GNA11: variants seen among roughly 807,000 people sequenced by gnomAD.
The protein encoded by GNA11 is G protein subunit alpha 11.
A neutral mutation model predicts 38.2 loss-of-function variants in GNA11; 8 were observed. The ratio of observed to expected loss-of-function variants is 0.21; its 90% confidence interval spans 0.12 to 0.38. GNA11 has a LOEUF of 0.38. GNA11 is among the 10% of genes least tolerant of loss of function. The pLI is 1.00. For missense variants in GNA11, 268 were observed against 516.3 expected, an observed-to-expected ratio of 0.52 and a Z score of 4.66; for synonymous variants, 211 against 221.4, an observed-to-expected ratio of 0.95 and a Z score of 0.42.
In GNA11 at chr19:3,094,800, C is replaced by T; in HGVS notation, c.136+13C>T. The T allele has an allele frequency of 1.3e-6, 2 of 1,548,956 alleles. No homozygotes were observed. Among genetic ancestry groups the T allele is most frequent in the Non-Finnish European group, 1.7e-6 (2 of 1,151,766 alleles). ...CTGCTGCTGCTCGGTGAGTGCGGCC[C>T]CCGGGCCTGCCGGCTGCGGGCCCTG... On this transcript the variant is annotated intron_variant, in intron 1 of 6. Coordinates refer to ENST00000078429, the MANE Select transcript of GNA11 (RefSeq NM_002067.5). The surrounding 1 kb of genome is among the most constrained non-coding windows in gnomAD (Gnocchi z 6.0).
rs867151765 is a variant in GNA11 at position 3,108,266 on chromosome 19, C to T, written c.137-1883C>T. Among the ~76,000 whole-genome samples, 2 of 152,156 alleles carry T rather than the reference C, an allele frequency of 1.3e-5. No individual in the cohort carries two copies. Among genetic ancestry groups the T allele is most frequent in the Admixed American group, 6.5e-5 (1 of 15,278 alleles). ...AGGAGCTGCCAGGTGAGGGGTCCTG[C>T]GACAGGCACCTGTGCAAAGATATCT... On this transcript the variant is annotated intron_variant, in intron 1 of 6. Coordinates refer to ENST00000078429, the MANE Select transcript of GNA11 (RefSeq NM_002067.5). The surrounding 1 kb of genome is among the most constrained non-coding windows in gnomAD (Gnocchi z 4.5).
At chr19:3,099,453 C>T (rs1040728961) in intron 1 of GNA11, among the ~76,000 whole-genome samples, 1 of 152,186 alleles carries the variant, frequency 6.6e-6, no homozygotes, top group Admixed American at 6.5e-5. Flanking sequence ...TTCGCAGAAC[C>T]GGGATCCTAA....
chr19:3,123,878 C>T lies in GNA11; in HGVS notation c.*2699C>T. 1 of 232,626 alleles carries T rather than the reference C, an allele frequency of 4.3e-6. No homozygotes were observed. Among genetic ancestry groups the T allele is most frequent in the Non-Finnish European group, 8.5e-6 (1 of 117,648 alleles). 14.4% of individuals were successfully genotyped at this position (232,626 alleles called of 1,614,324 possible). A position where few individuals can be genotyped will look rare whatever the true frequency, so the allele number is the denominator to read the frequency against. Reference sequence around the variant, plus strand: ...TGGGAGGAGGGGCTGAGGAGCGGCTCAGTGTCACCTCCCACAGCCACCGGC... The same window carrying T: ...TGGGAGGAGGGGCTGAGGAGCGGCTTAGTGTCACCTCCCACAGCCACCGGC... On this transcript the variant is annotated 3_prime_UTR_variant, in exon 7 of 7. Coordinates refer to ENST00000078429, the MANE Select transcript of GNA11 (RefSeq NM_002067.5).
chr19:3,109,352 C>T (rs369668224), intron 1 of GNA11, among the ~76,000 whole-genome samples: 1 of 152,212 alleles, frequency 6.6e-6, no homozygotes, highest in African/African-American at 2.4e-5. Context: ...ACATGGGCCC[C>T]CTTCCCGATA....
rs1913997296 is a variant in GNA11 at position 3,119,027 on chromosome 19, C to G, written c.709C>G (p.Gln237Glu). 6.2e-7 allele frequency: 1 copy of G among 1,613,790 alleles called. No individual in the cohort carries two copies. The highest frequency in any genetic ancestry group is 1.1e-5 in the South Asian group (1 of 91,080). Residue 237 changes from glutamine to glutamate, a missense_variant, in exon 5 of 7, where the codon CAA becomes GAA. Physicochemically the swap from Gln to Glu is conservative, Grantham distance 29. This residue lies in a region of GNA11 where 25 missense variants were observed against 95.6 expected (regional missense o/e 0.26). Coordinates refer to ENST00000078429, the MANE Select transcript of GNA11 (RefSeq NM_002067.5). The surrounding 1 kb of genome is among the most constrained non-coding windows in gnomAD (Gnocchi z 4.6). ...MFLVALSEYDQVLVESDNENR... is the reference protein window; with the variant it reads ...MFLVALSEYDEVLVESDNENR... ...TCTCGTCGCCCTCAGCGAATACGAC[C>G]AAGTCCTGGTGGAGTCGGACAACGA...
chr19:3,103,640 C>A (rs576496638), intron 1 of GNA11, among the ~76,000 whole-genome samples: 2 of 147,286 alleles, frequency 1.4e-5, no homozygotes, highest in Admixed American at 1.4e-4. Context: ...TTTCTCCTGC[C>A]TCAGCCTCCT....
Position 3,094,904 on chromosome 19 carries a change from C to T in GNA11, c.136+117C>T. The T allele has an allele frequency of 1.5e-6, 1 of 674,534 alleles. No homozygotes were observed. The highest frequency in any genetic ancestry group is 2.2e-6 in the Non-Finnish European group (1 of 456,994). The allele number at this position is 674,534 out of a possible 1,614,324, so 41.8% of individuals were successfully genotyped here. ...AGCCCTGCCTGTGCCGTCCGGGTCG[C>T]GAGACCCTCCGGGGTCAGCCCTGCC... is the stretch of plus-strand genomic sequence containing the variant. On this transcript the variant is annotated intron_variant, in intron 1 of 6. Transcript: ENST00000078429. This position sits in a 1 kb window ranked among gnomAD's most constrained non-coding sequence, Gnocchi z 6.0.
chr19:3,121,010 C>T lies in GNA11; in HGVS notation c.911C>T (p.Ala304Val), dbSNP rs762218250. The T allele has an allele frequency of 9.3e-6, 15 of 1,612,860 alleles. No individual in the cohort carries two copies. The highest frequency in any genetic ancestry group is 3.3e-4 in the Middle Eastern group (2 of 6,074). ...EFDGPQRDAQ[A>V]AREFILKMFV... Reference sequence around the variant, plus strand: ...CCAGGTCCCCAGCGGGACGCCCAGGCGGCGCGGGAGTTCATCCTGAAGATG... The same window carrying T: ...CCAGGTCCCCAGCGGGACGCCCAGGTGGCGCGGGAGTTCATCCTGAAGATG... The change falls in exon 7 of 7, where the codon GCG (alanine) becomes GTG (valine). Residue 304 changes from alanine to valine, a missense_variant. By Grantham distance (64) the Ala-to-Val change is moderately conservative (BLOSUM62 0). Transcript: ENST00000078429.
At position 3,102,884 on chromosome 19, in the gene GNA11, G is replaced by A. The variant is rs139798005; in HGVS notation, c.137-7265G>A. ...CCAAGAGCCAAGATCACAGGCACAC[G>A]CATGCACACGCGTGGGCTGCCACCA... On this transcript the variant is annotated intron_variant, in intron 1 of 6. Coordinates refer to ENST00000078429, the MANE Select transcript of GNA11 (RefSeq NM_002067.5). 2.0e-3 allele frequency among the ~76,000 whole-genome samples: 312 copies of A among 152,350 alleles called. 1 individual carries two copies. The highest frequency in any genetic ancestry group is 7.2e-3 in the African/African-American group (300 of 41,580).
rs1306075991 is a variant in GNA11 at position 3,122,641 on chromosome 19, G to C, written c.*1462G>C. The C allele has an allele frequency of 4.3e-6, 1 of 233,334 alleles. No homozygotes were observed. The highest frequency in any genetic ancestry group is 5.6e-5 in the Admixed American group (1 of 17,792). The allele number at this position is 233,334 out of a possible 1,614,324, so 14.5% of individuals were successfully genotyped here. ...GCCCTGTGGTTCCGGGCTTCGCACA[G>C]CTGTCCCAGGGATGGATCGCCTGTG... On this transcript the variant is annotated 3_prime_UTR_variant, in exon 7 of 7. Coordinates refer to ENST00000078429, the MANE Select transcript of GNA11 (RefSeq NM_002067.5). The surrounding 1 kb of genome is among the most constrained non-coding windows in gnomAD (Gnocchi z 7.7).
At chr19:3,103,203 G>GTTATTTAT (rs201104739) in intron 1 of GNA11, among the ~76,000 whole-genome samples, 17 of 151,774 alleles carry the variant, frequency 1.1e-4, no homozygotes, top group African/African-American at 2.7e-4. Context: ...CTTTTTATTT[G>GTTATTTAT]TTATTTATTT....
intron 2 of GNA11, among the ~76,000 whole-genome samples, chr19:3,112,402 A>G (rs1171762756): frequency 6.6e-6 from 1 of 152,160 alleles, no homozygotes; most frequent in East Asian, 1.9e-4. Context: ...CCCAGAGCCC[A>G]GGGCAAGGCT....
intron 1 of GNA11, among the ~76,000 whole-genome samples, chr19:3,102,068 C>T (rs1913519353): frequency 6.6e-6 from 1 of 152,082 alleles, no homozygotes; most frequent in Non-Finnish European, 1.5e-5. Context: ...TGCACTCCAG[C>T]CTGGGCGACC....
chr19:3,096,775 G>C (rs1913380423), intron 1 of GNA11, among the ~76,000 whole-genome samples: 1 of 152,080 alleles, frequency 6.6e-6, no homozygotes, highest in Admixed American at 6.5e-5. Context: ...TTGCTGTCAG[G>C]CTCAGGGCCA....
chr19:3,115,564 G>T, intron 4 of GNA11: 1 of 157,176 alleles, frequency 6.4e-6, no homozygotes, highest in Non-Finnish European at 1.4e-5. Context: ...CAGACCGGCA[G>T]CCGAAGAGAC....
intron 4 of GNA11, chr19:3,118,647 C>A: frequency 2.5e-6 from 1 of 401,320 alleles, no homozygotes; most frequent in Non-Finnish European, 4.5e-6. Flanking sequence ...GCCCAGAATC[C>A]TCTGGGTTCT....
chr19:3,107,301 C>T lies in GNA11; in HGVS notation c.137-2848C>T, dbSNP rs564487619. 3.9e-5 allele frequency among the ~76,000 whole-genome samples: 6 copies of T among 152,324 alleles called. No homozygotes were observed. In the South Asian group the frequency reaches 8.3e-4, roughly 21 times the overall value. On this transcript the variant is annotated intron_variant, in intron 1 of 6. Coordinates refer to ENST00000078429, the MANE Select transcript of GNA11 (RefSeq NM_002067.5). ...TTCTCATCTGGGCAGTGACCTGTGG[C>T]GTTTCAGACTCCTTCTCGGCCGTCT...
Position 3,115,062 on chromosome 19 carries a change from A to G in GNA11, c.595A>G (p.Ile199Val). Residue 199 changes from isoleucine (I) to valine (V), a missense_variant, in exon 4 of 7, where the codon ATC becomes GTC. Ile to Val is a conservative substitution (Grantham distance 29). Around this residue, in one of 3 missense-constraint regions of GNA11, gnomAD observed 25 missense variants for 95.6 expected, o/e 0.26. Coordinates refer to ENST00000078429, the MANE Select transcript of GNA11 (RefSeq NM_002067.5). ...CGAGTACCCTTTCGACCTGGAGAAC[A>G]TCATCTTCCGGTACCGCCCGGGCCA... The part of the protein sequence containing the change: ...IIEYPFDLEN[I>V]IFRMVDVGGQ... 1 of 1,613,024 alleles carries G rather than the reference A, an allele frequency of 6.2e-7. No homozygotes were observed. Among genetic ancestry groups the G allele is most frequent in the Non-Finnish European group, 8.5e-7 (1 of 1,179,768 alleles).
rs1028397898 is a variant in GNA11 at position 3,122,854 on chromosome 19, G to A, written c.*1675G>A. The A allele has an allele frequency of 2.1e-5, 5 of 233,546 alleles. 1 individual carries two copies. The highest frequency in any genetic ancestry group is 3.6e-4 in the South Asian group (2 of 5,534). The allele number at this position is 233,546 out of a possible 1,614,324, so 14.5% of individuals were successfully genotyped here. On this transcript the variant is annotated 3_prime_UTR_variant, in exon 7 of 7. Transcript: ENST00000078429. This position sits in a 1 kb window ranked among gnomAD's most constrained non-coding sequence, Gnocchi z 7.7. ...TGCTGGCTTCTGGGGGCAGAAGAGCGGGGAGCCCCGTGGAAGGGTCAGGGG... is the reference window on the plus strand; with the variant it reads ...TGCTGGCTTCTGGGGGCAGAAGAGCAGGGAGCCCCGTGGAAGGGTCAGGGG...
Sources: gnomAD v4.1 joint callset for allele counts (sites outside exome capture counted in the v4.1 genomes callset) on GRCh38, gnomAD v4.1.1 for gene constraint, gnomAD v4.1.1 regional missense constraint, Gnocchi (gnomAD v3.1) non-coding constraint, MANE v1.5 for transcripts, NCBI Gene and HGNC (gene_info 2026-07-23, HGNC 2026-07-21) for gene names.